The following MSI2 variants were observed in gnomAD, a reference collection of about 807,000 sequenced individuals.
The protein encoded by MSI2 is RNA-binding protein Musashi homolog 2.
MSI2 carries 17 observed loss-of-function variants against 45.6 expected under a neutral mutation model. That is an observed-to-expected ratio of 0.37 (90% CI 0.26 to 0.56). MSI2 has a LOEUF of 0.56. Among genes scored for constraint, MSI2 ranks in the 20% least tolerant of loss-of-function variants. MSI2 has a pLI of 0.77. For missense variants in MSI2, 293 were observed against 444.2 expected (o/e 0.66, Z 3.06); for synonymous variants, 156 against 158.2 (o/e 0.99, Z 0.11).
At chr17:57,548,898 T>TCCCCCCCCCCCCCCCCCCCCCCCCC (rs758120237) in intron 7 of MSI2, among the ~76,000 whole-genome samples, 10 of 121,292 alleles carry the variant, frequency 8.2e-5, no homozygotes, top group African/African-American at 2.4e-4. Context: ...TGTTTACCCT[T>TCCCCCCCCCCCCCCCCCCCCCCCCC]CCCCCCCCCA....
At chr17:57,270,821 C>G (rs903469439) in intron 5 of MSI2, among the ~76,000 whole-genome samples, 2 of 152,138 alleles carry the variant, frequency 1.3e-5, no homozygotes, top group Non-Finnish European at 2.9e-5. Context: ...AACCGAGCAG[C>G]TCGTGGGTTG....
intron 6 of MSI2, chr17:57,522,210 T>A (rs886603578): frequency 1.4e-5 from 2 of 141,456 alleles, no homozygotes; most frequent in African/African-American, 5.5e-5. Flanking sequence ...CAGAGCATAA[T>A]GCCTGTTAAG....
intron 6 of MSI2, among the ~76,000 whole-genome samples, chr17:57,508,676 G>A (rs550849685): frequency 1.3e-5 from 2 of 152,204 alleles, no homozygotes; most frequent in Non-Finnish European, 2.9e-5. Flanking sequence ...GCCATCAGAT[G>A]TGTGGGATTG....
intron 5 of MSI2, among the ~76,000 whole-genome samples, chr17:57,281,696 T>C (rs1221460954): frequency 6.6e-6 from 1 of 152,204 alleles, no homozygotes; most frequent in Non-Finnish European, 1.5e-5. Flanking sequence ...GCGTACGAGC[T>C]GCTTTTACAT....
At position 57,682,815 on chromosome 17, in the gene MSI2, A is replaced by G. The variant is rs1318222914; in HGVS notation, c.*3298A>G. ...GCCACCGGGTGACTTTCTGGCTTCC[A>G]GATCCATCTGCCTGAGACCCCCGAA... On this transcript the variant is annotated 3_prime_UTR_variant, in exon 14 of 14. Coordinates refer to ENST00000284073, the MANE Select transcript of MSI2 (RefSeq NM_138962.4). 1.3e-5 allele frequency: 3 copies of G among 224,004 alleles called. No homozygotes were observed. Among genetic ancestry groups the G allele is most frequent in the Non-Finnish European group, 2.7e-5 (3 of 112,442 alleles). The allele number at this position is 224,004 out of a possible 1,614,324, so 13.9% of individuals were successfully genotyped here.
chr17:57,577,170 C>T (rs78664861), intron 7 of MSI2, among the ~76,000 whole-genome samples: 2,461 of 152,318 alleles, frequency 0.016, 63 homozygotes, highest in African/African-American at 0.054. Flanking sequence ...GGCCAGGCTG[C>T]TTCCCCAACC....
chr17:57,578,706 G>T (rs111571967), intron 7 of MSI2, among the ~76,000 whole-genome samples: 229 of 152,274 alleles, frequency 1.5e-3, no homozygotes, highest in African/African-American at 5.3e-3. Context: ...GGGGCCAGCA[G>T]TGTGGGTTGG....
intron 5 of MSI2, among the ~76,000 whole-genome samples, chr17:57,358,401 C>A (rs762270097): frequency 1.3e-5 from 2 of 152,084 alleles, no homozygotes; most frequent in African/African-American, 4.8e-5. Flanking sequence ...GGCCAGGCTG[C>A]GTCCATTTGA....
intron 5 of MSI2, among the ~76,000 whole-genome samples, chr17:57,359,603 AG>A (rs1346707303): frequency 6.6e-6 from 1 of 152,194 alleles, no homozygotes; most frequent in Non-Finnish European, 1.5e-5. Flanking sequence ...AGTCATGGGT[AG>A]GGGAATTGCA....
At chr17:57,612,251 T>G (rs143351443) in intron 8 of MSI2, among the ~76,000 whole-genome samples, 2,125 of 95,426 alleles carry the variant, frequency 0.022, 656 homozygotes, top group African/African-American at 0.065. Flanking sequence ...CTCTTCTTTT[T>G]CAATACAATG....
chr17:57,667,520 G>A (rs1222480147), intron 11 of MSI2, among the ~76,000 whole-genome samples: 2 of 152,154 alleles, frequency 1.3e-5, no homozygotes, highest in Non-Finnish European at 2.9e-5. Flanking sequence ...TGCCAGGCAG[G>A]AGTGATATCC....
At chr17:57,320,991 T>C (rs1489700098) in intron 5 of MSI2, among the ~76,000 whole-genome samples, 1 of 151,822 alleles carries the variant, frequency 6.6e-6, no homozygotes, top group African/African-American at 2.4e-5. Flanking sequence ...CCTCCTACCT[T>C]TCATCCAGCC....
Position 57,426,116 on chromosome 17 carries a change from G to A in MSI2, c.405+24645G>A, listed in dbSNP as rs540212464. 7.2e-5 allele frequency among the ~76,000 whole-genome samples: 11 copies of A among 152,252 alleles called. No individual in the cohort carries two copies. In the East Asian group the frequency reaches 1.2e-3, roughly 16 times the overall value. On this transcript the variant is annotated intron_variant, in intron 6 of 13. Transcript: ENST00000284073. ...ATGCAGGAGAGTTTCAGGATAGACCGGGGGTTGTGTTTCTGTTTCAGATTG... is the reference window on the plus strand; with the variant it reads ...ATGCAGGAGAGTTTCAGGATAGACCAGGGGTTGTGTTTCTGTTTCAGATTG...
chr17:57,441,637 G>T (rs1417399822), intron 6 of MSI2, among the ~76,000 whole-genome samples: 3 of 152,160 alleles, frequency 2.0e-5, no homozygotes, highest in Non-Finnish European at 4.4e-5. Flanking sequence ...AGCACAGAAG[G>T]CATCTCTCAC....
intron 8 of MSI2, among the ~76,000 whole-genome samples, chr17:57,612,016 C>T (rs1240598992): frequency 1.0e-5 from 1 of 95,850 alleles, no homozygotes; most frequent in Non-Finnish European, 2.5e-5. Flanking sequence ...TGACTAGAAC[C>T]GAAAAGATAG....
chr17:57,297,786 A>G lies in MSI2; in HGVS notation c.312+35594A>G, dbSNP rs140449155. ...TTATTAATCCTTTGTTACCTTCCCA[A>G]CAACGTGCACATCTTCACCAGGAGT... On this transcript the variant is annotated intron_variant, in intron 5 of 13. Transcript: ENST00000284073. Among the ~76,000 whole-genome samples the G allele has an allele frequency of 5.4e-3, 817 of 152,292 alleles. 5 individuals are homozygous for G. Among genetic ancestry groups the G allele is most frequent in the African/African-American group, 0.019 (783 of 41,544 alleles).
intron 7 of MSI2, chr17:57,532,074 C>G (rs2086833020): frequency 6.6e-6 from 1 of 152,424 alleles, no homozygotes. Flanking sequence ...TCCTGGTGGG[C>G]ACTGGCAGGA....
At chr17:57,566,554 G>T (rs2087737143) in intron 7 of MSI2, among the ~76,000 whole-genome samples, 1 of 152,144 alleles carries the variant, frequency 6.6e-6, no homozygotes, top group Admixed American at 6.5e-5. Flanking sequence ...AGTCATCATA[G>T]CTTACTAGAT....
At chr17:57,398,368 ACGTT>A (rs1264931441) in intron 5 of MSI2, among the ~76,000 whole-genome samples, 2 of 152,184 alleles carry the variant, frequency 1.3e-5, no homozygotes, top group Non-Finnish European at 2.9e-5. Context: ...TTGGTAGATC[ACGTT>A]AGTGTTTCTT....
Sources: gnomAD v4.1 joint callset for allele counts (sites outside exome capture counted in the v4.1 genomes callset) on GRCh38, gnomAD v4.1.1 for gene constraint, MANE v1.5 for transcripts, NCBI Gene and HGNC (gene_info 2026-07-23, HGNC 2026-07-21) for gene names.